MDFIC2: variants seen among roughly 807,000 people sequenced by gnomAD.
MDFIC2 encodes MyoD family inhibitor domain containing 2.
At chr3:70,312,094 A>C (rs1164025283) in intron 1 of MDFIC2, 121 bp from the exon 2 acceptor site, 5 of 390,392 alleles carry the variant, frequency 1.3e-5, no homozygotes, top group Non-Finnish European at 2.3e-5. Context: ...ATAGTTTTTC[A>C]GTTCACTGTC....
chr3:70,221,492 C>T (rs1308826012), intron 2 of MDFIC2, among the ~76,000 whole-genome samples: 1 of 152,070 alleles, frequency 6.6e-6, no homozygotes, highest in Non-Finnish European at 1.5e-5. Flanking sequence ...CTCTTAACCA[C>T]CGTGATATAT....
intron 2 of MDFIC2, among the ~76,000 whole-genome samples, chr3:70,250,691 A>G (rs1701756671): frequency 6.6e-6 from 1 of 152,168 alleles, no homozygotes; most frequent in African/African-American, 2.4e-5. Context: ...CACTTCAAAT[A>G]CTAATATCCA....
chr3:70,311,796 A>C, intron 2 of MDFIC2, 90 bp downstream of exon 2: 1 of 393,866 alleles, frequency 2.5e-6, no homozygotes, highest in Non-Finnish European at 4.5e-6. Flanking sequence ...AACGGTCAGG[A>C]CAATTTCCTC....
Position 70,206,701 on chromosome 3 carries a change from C to T in MDFIC2, c.178G>A (p.Gly60Arg), listed in dbSNP as rs1701294192. The change falls in exon 3 of 4, where the codon GGA becomes AGA. Residue 60 changes from glycine to arginine, a missense_variant. Transcript: ENST00000567252. ...TCATTGGGGTTTTCCTTGGCTGGTCCATCTGTGATATTGAAGTCAGATACT... is the reference window on the plus strand; with the variant it reads ...TCATTGGGGTTTTCCTTGGCTGGTCTATCTGTGATATTGAAGTCAGATACT... The part of the protein sequence containing the change: ...NSVSDFNITD[G>R]PAKENPNEKK... 2.5e-6 allele frequency: 1 copy of T among 397,796 alleles called. No homozygotes were observed. The highest frequency in any genetic ancestry group is 4.4e-6 in the Non-Finnish European group (1 of 225,568). 24.6% of individuals were successfully genotyped at this position (397,796 alleles called of 1,614,324 possible). A position where few individuals can be genotyped will look rare whatever the true frequency, so the allele number is the denominator to read the frequency against.
At chr3:70,251,132 T>G (rs1272586351) in intron 2 of MDFIC2, among the ~76,000 whole-genome samples, 1 of 152,202 alleles carries the variant, frequency 6.6e-6, no homozygotes, top group Admixed American at 6.5e-5. Flanking sequence ...TGTGGTTAAT[T>G]GTAATTCCAT....
intron 2 of MDFIC2, among the ~76,000 whole-genome samples, chr3:70,311,340 G>A (rs1306862514): frequency 1.3e-5 from 2 of 152,124 alleles, no homozygotes; most frequent in South Asian, 2.1e-4. Context: ...TCAAAAGTGC[G>A]CAAATCTGTA....
chr3:70,199,608 G>C (rs1427497040), intron 3 of MDFIC2, among the ~76,000 whole-genome samples: 1 of 152,058 alleles, frequency 6.6e-6, no homozygotes, highest in African/African-American at 2.4e-5. Context: ...TTCCTAAAAG[G>C]CATGTTAAAT....
chr3:70,252,878 G>A (rs531514821), intron 2 of MDFIC2, among the ~76,000 whole-genome samples: 3 of 151,794 alleles, frequency 2.0e-5, no homozygotes, highest in East Asian at 1.9e-4. Flanking sequence ...TCAGGAGTTC[G>A]AGACCAGCGT....
At chr3:70,292,997 C>T (rs550067719) in intron 2 of MDFIC2, among the ~76,000 whole-genome samples, 1 of 131,058 alleles carries the variant, frequency 7.6e-6, no homozygotes, top group African/African-American at 2.9e-5. Context: ...GAAATAAAGG[C>T]TATTTGCAGG....
intron 3 of MDFIC2, among the ~76,000 whole-genome samples, chr3:70,202,303 C>G (rs1559533915): frequency 6.6e-6 from 1 of 151,968 alleles, no homozygotes; most frequent in East Asian, 1.9e-4. Flanking sequence ...GTAACTAGTG[C>G]TCTATCTGAT....
At chr3:70,281,574 A>T (rs549178804) in intron 2 of MDFIC2, among the ~76,000 whole-genome samples, 150 of 152,232 alleles carry the variant, frequency 9.9e-4, no homozygotes, top group African/African-American at 3.5e-3. Flanking sequence ...GCTCAAAACA[A>T]ACAAACAAAT....
At chr3:70,285,635 T>C (rs1427088165) in intron 2 of MDFIC2, among the ~76,000 whole-genome samples, 2 of 151,230 alleles carry the variant, frequency 1.3e-5, no homozygotes, top group African/African-American at 2.4e-5. Context: ...ATCGCCACAC[T>C]GACTTCCACA....
intron 3 of MDFIC2, chr3:70,205,494 A>G (rs979107128): frequency 6.6e-6 from 1 of 152,134 alleles, no homozygotes; most frequent in African/African-American, 2.4e-5. Context: ...AATCACAATC[A>G]TGGCTGAAAT....
At chr3:70,309,116 A>T (rs963612914) in intron 2 of MDFIC2, among the ~76,000 whole-genome samples, 2 of 152,130 alleles carry the variant, frequency 1.3e-5, no homozygotes, top group Non-Finnish European at 2.9e-5. Context: ...TAAAATTCTG[A>T]TTGATAACTG....
intron 2 of MDFIC2, among the ~76,000 whole-genome samples, chr3:70,268,429 C>T (rs1017912168): frequency 7.0e-6 from 1 of 142,816 alleles, no homozygotes; most frequent in South Asian, 2.2e-4. Context: ...GAGCAGAGAT[C>T]GCATCACTGC....
chr3:70,213,762 T>A (rs1205979852), intron 2 of MDFIC2, among the ~76,000 whole-genome samples: 1 of 152,096 alleles, frequency 6.6e-6, no homozygotes, highest in African/African-American at 2.4e-5. Context: ...ATACAATATA[T>A]AAAATACAGG....
intron 2 of MDFIC2, among the ~76,000 whole-genome samples, chr3:70,214,330 A>G (rs1254390559): frequency 1.3e-5 from 2 of 152,130 alleles, no homozygotes; most frequent in African/African-American, 2.4e-5. Flanking sequence ...TAGCACTTCA[A>G]CTAAAACCCT....
At chr3:70,290,349 G>T (rs1446423894) in intron 2 of MDFIC2, among the ~76,000 whole-genome samples, 1 of 152,180 alleles carries the variant, frequency 6.6e-6, no homozygotes, top group Non-Finnish European at 1.5e-5. Flanking sequence ...CCTGTTGGGG[G>T]GTGCCTCCCA....
intron 2 of MDFIC2, among the ~76,000 whole-genome samples, chr3:70,256,851 T>G (rs571154025): frequency 6.6e-6 from 1 of 152,322 alleles, no homozygotes; most frequent in African/African-American, 2.4e-5. Flanking sequence ...CACCTATGTC[T>G]GCAACTAGAA....
Sources: allele counts gnomAD v4.1 joint callset (sites outside exome capture counted in the v4.1 genomes callset), GRCh38; gene constraint gnomAD v4.1.1; transcripts MANE v1.5; gene names NCBI Gene and HGNC (gene_info 2026-07-23, HGNC 2026-07-21).